OSBPL8: variants seen among roughly 807,000 people sequenced by gnomAD.
OSBPL8 encodes the protein oxysterol binding protein like 8, also known as oxysterol-binding protein-related protein 8.
In OSBPL8, 59 loss-of-function variants were observed where a neutral mutation model predicts 125.5. The observed-to-expected ratio is 0.47, with a 90% CI of 0.38 to 0.58. The LOEUF is 0.58. Ranked by LOEUF, OSBPL8 falls within the 20% of genes least tolerant of loss-of-function variation. The pLI, the probability that OSBPL8 is intolerant of heterozygous loss-of-function variation, is 0.00. For missense variants in OSBPL8, 758 were observed against 1,047.8 expected (o/e 0.72, Z 3.82); for synonymous variants, 330 against 338.9 (o/e 0.97, Z 0.29).
At chr12:76,455,914 A>T (rs2136782513) in intron 3 of OSBPL8, among the ~76,000 whole-genome samples, 1 of 152,348 alleles carries the variant, frequency 6.6e-6, no homozygotes, top group Non-Finnish European at 1.5e-5. Context: ...CGTCTCACCT[A>T]CCAAAGATAA....
At chr12:76,480,399 C>T in intron 2 of OSBPL8, among the ~76,000 whole-genome samples, 1 of 151,980 alleles carries the variant, frequency 6.6e-6, no homozygotes, top group Non-Finnish European at 1.5e-5. Context: ...ATAGATGAAA[C>T]AATGTCAATC....
intron 1 of OSBPL8, among the ~76,000 whole-genome samples, chr12:76,536,194 T>C (rs1950493180): frequency 6.6e-6 from 1 of 151,952 alleles, no homozygotes; most frequent in South Asian, 2.1e-4. Context: ...GTAAAAAATC[T>C]AGCACAACTA....
chr12:76,371,658 C>G, intron 18 of OSBPL8, 74 bp from the exon 19 acceptor site: 1 of 1,214,626 alleles, frequency 8.2e-7, no homozygotes, highest in Middle Eastern at 2.9e-4. Flanking sequence ...AGTAATATGA[C>G]GGTGATAATT....
intron 1 of OSBPL8, among the ~76,000 whole-genome samples, chr12:76,543,589 T>C (rs924404047): frequency 3.9e-5 from 6 of 152,186 alleles, no homozygotes; most frequent in African/African-American, 1.2e-4. Context: ...ATAGCACTGA[T>C]ATCCAAAAGC....
At chr12:76,406,647 ACT>A (rs1407810282) in intron 5 of OSBPL8, among the ~76,000 whole-genome samples, 1 of 152,158 alleles carries the variant, frequency 6.6e-6, no homozygotes, top group Non-Finnish European at 1.5e-5. Flanking sequence ...GATGGGTCTC[ACT>A]CTGTCACCCA....
At chr12:76,466,021 T>C (rs959206351) in intron 2 of OSBPL8, among the ~76,000 whole-genome samples, 1 of 151,652 alleles carries the variant, frequency 6.6e-6, no homozygotes, top group African/African-American at 2.4e-5. Context: ...AAAAAAAAAG[T>C]TCATTTTTCC....
rs181556871 is a variant in OSBPL8, at chr12:76,475,828, C to T, written c.42+11682G>A. On this transcript the variant is annotated intron_variant, in intron 2 of 23. Coordinates refer to ENST00000261183, the MANE Select transcript of OSBPL8 (RefSeq NM_020841.5). ...TCTTTTCTCTCTAATCATTGAACAC[C>T]CTGTTTTTACTATGAGCACAAAACA... Among the ~76,000 whole-genome samples the T allele has an allele frequency of 1.7e-4, 26 of 152,268 alleles. No individual in the cohort carries two copies. In the East Asian group the frequency reaches 4.8e-3, roughly 28 times the overall value.
chr12:76,449,258 A>C (rs1051351247), intron 4 of OSBPL8, among the ~76,000 whole-genome samples: 1 of 152,208 alleles, frequency 6.6e-6, no homozygotes, highest in Admixed American at 6.5e-5. Context: ...AAGTCCTTCC[A>C]CCACAGCTAT....
chr12:76,437,217 A>G (rs971522475), intron 4 of OSBPL8, among the ~76,000 whole-genome samples: 4 of 152,128 alleles, frequency 2.6e-5, no homozygotes, highest in African/African-American at 4.8e-5. Context: ...ATGTCAAACT[A>G]TTTTTCAAAA....
intron 1 of OSBPL8, among the ~76,000 whole-genome samples, chr12:76,501,431 T>C (rs1879893150): frequency 1.3e-5 from 2 of 152,148 alleles, no homozygotes; most frequent in South Asian, 4.1e-4. Context: ...AGAGACAATA[T>C]GTAGTCCACA....
chr12:76,370,275 C>G (rs942039029), intron 19 of OSBPL8, among the ~76,000 whole-genome samples: 1 of 152,120 alleles, frequency 6.6e-6, no homozygotes, highest in African/African-American at 2.4e-5. Flanking sequence ...TTTTTATAAT[C>G]AGAATCTCTG....
At chr12:76,363,046 G>A (rs951073822) in intron 21 of OSBPL8, among the ~76,000 whole-genome samples, 1 of 152,150 alleles carries the variant, frequency 6.6e-6, no homozygotes, top group Middle Eastern at 3.2e-3. Context: ...ACAAACAAAT[G>A]GAAAAACATT....
In OSBPL8 at chr12:76,450,972, ACT is replaced by A; in HGVS notation, c.94_95del (p.Ser32Ter). The A allele has an allele frequency of 6.2e-7, 1 of 1,613,670 alleles. No individual in the cohort carries two copies. The highest frequency in any genetic ancestry group is 8.5e-7 in the Non-Finnish European group (1 of 1,179,832). On this transcript the variant is annotated frameshift_variant, in exon 4 of 24. Coordinates refer to ENST00000261183, the MANE Select transcript of OSBPL8 (RefSeq NM_020841.5). LOFTEE classifies it high-confidence loss of function. ...CTGGTGTCAGAAGCTGAGATTCGTC[ACT>A]GTTTGCTACAACAGCTCAAGGAAAG... is the stretch of plus-strand genomic sequence containing the variant. The part of the protein sequence containing the change: ...VLGPSTVVAN[S>X]DESQLLTPGK...
At chr12:76,542,308 A>G (rs1336498493) in intron 1 of OSBPL8, among the ~76,000 whole-genome samples, 1 of 152,048 alleles carries the variant, frequency 6.6e-6, no homozygotes, top group Admixed American at 6.5e-5. Context: ...CTCTCCCTCT[A>G]TCTCAGGGTT....
At position 76,355,587 on chromosome 12, in the gene OSBPL8, A is replaced by G; in HGVS notation, c.*302T>C. The stretch of plus-strand genomic sequence containing the variant: ...TAGAATACAAAGACTACTGTCAGGT[A>G]GGAGTACATAAGAGACAATTGTGTA... On this transcript the variant is annotated 3_prime_UTR_variant, in exon 24 of 24. Transcript: ENST00000261183. The G allele has an allele frequency of 4.9e-6, 1 of 205,472 alleles. No individual in the cohort carries two copies. The highest frequency in any genetic ancestry group is 1.4e-4 in the South Asian group (1 of 7,304). The allele number at this position is 205,472 out of a possible 1,614,324, so 12.7% of individuals were successfully genotyped here.
At chr12:76,378,281 C>T (rs1161251094) in intron 16 of OSBPL8, among the ~76,000 whole-genome samples, 171 bp downstream of exon 16, 2 of 152,154 alleles carry the variant, frequency 1.3e-5, no homozygotes, top group Non-Finnish European at 2.9e-5. Flanking sequence ...TAATTCACCG[C>T]AGAAATATTC....
chr12:76,413,572 C>T (rs951890476), intron 4 of OSBPL8, among the ~76,000 whole-genome samples: 1 of 152,198 alleles, frequency 6.6e-6, no homozygotes, highest in African/African-American at 2.4e-5. Flanking sequence ...TTATACCAAA[C>T]TATGCAAAAG....
Position 76,535,400 on chromosome 12 carries a change from A to C in OSBPL8, c.-68+23997T>G, listed in dbSNP as rs192275424. ...CAGCGAAACGCAAATGAAAAACCAC[A>C]ATGAGATACTATTACACAACCACTA... On this transcript the variant is annotated intron_variant, in intron 1 of 23. Transcript: ENST00000261183. 9.8e-5 allele frequency among the ~76,000 whole-genome samples: 15 copies of C among 152,330 alleles called. No individual in the cohort carries two copies. In the East Asian group the frequency reaches 2.5e-3, roughly 25 times the overall value.
At chr12:76,379,693 G>A (rs574019289) in intron 15 of OSBPL8, among the ~76,000 whole-genome samples, 1 of 152,130 alleles carries the variant, frequency 6.6e-6, no homozygotes. Flanking sequence ...TGTTGTATAA[G>A]AATTCTATTC....
Sources: gnomAD v4.1 joint callset for allele counts (sites outside exome capture counted in the v4.1 genomes callset) on GRCh38, gnomAD v4.1.1 for gene constraint, MANE v1.5 for transcripts, NCBI Gene and HGNC (gene_info 2026-07-23, HGNC 2026-07-21) for gene names.